Variants in GANC observed in about 807,000 individuals in gnomAD.
The protein encoded by GANC is neutral alpha-glucosidase C.
GANC carries 117 observed loss-of-function variants against 124.2 expected under a neutral mutation model. That is an observed-to-expected ratio of 0.94 (90% CI 0.81 to 1.10). The LOEUF (loss-of-function observed/expected upper bound fraction) is 1.10, where lower values mean the gene tolerates loss of function less well. Among genes scored for constraint, GANC ranks in the 50% least tolerant of loss-of-function variants. The pLI is 0.00. For synonymous variants in GANC, 377 were observed against 376.8 expected (o/e 1.00, Z -0.01); for missense variants, 1,140 against 1,095.0 (o/e 1.04, Z -0.58).
chr15:42,352,494 G>A lies in GANC; in HGVS notation c.*355G>A. The A allele has an allele frequency of 1.9e-6, 2 of 1,052,554 alleles. No individual in the cohort carries two copies. The highest frequency in any genetic ancestry group is 1.7e-5 in the African/African-American group (1 of 59,958). 65.2% of individuals were successfully genotyped at this position (1,052,554 alleles called of 1,614,324 possible). ...CTACCTGGGCAGCCCATTTGCCAGGGCTTGCCTCAGGCCATGCAGCATTGG... is the reference window on the plus strand; with the variant it reads ...CTACCTGGGCAGCCCATTTGCCAGGACTTGCCTCAGGCCATGCAGCATTGG... On this transcript the variant is annotated 3_prime_UTR_variant, in exon 24 of 24. Transcript: ENST00000318010.
At chr15:42,286,466 T>G (rs1374430364) in intron 3 of GANC, among the ~76,000 whole-genome samples, 1 of 152,240 alleles carries the variant, frequency 6.6e-6, no homozygotes, top group Non-Finnish European at 1.5e-5. Context: ...TTGAACTTTG[T>G]ACTTGGACAT....
At chr15:42,326,764 C>T (rs1484021100) in intron 12 of GANC, among the ~76,000 whole-genome samples, 1 of 152,172 alleles carries the variant, frequency 6.6e-6, no homozygotes, top group Non-Finnish European at 1.5e-5. Context: ...TGCAAGCTCT[C>T]TCCTTGTGAT....
intron 22 of GANC, among the ~76,000 whole-genome samples, chr15:42,351,111 A>T (rs547184384): frequency 3.3e-5 from 5 of 151,828 alleles, no homozygotes; most frequent in African/African-American, 1.2e-4. Flanking sequence ...GCCTCAAGTG[A>T]TCTGCCCACC....
chr15:42,310,549 G>T (rs2052040821), intron 9 of GANC, 86 bp downstream of exon 9: 2 of 1,458,220 alleles, frequency 1.4e-6, no homozygotes, highest in Non-Finnish European at 1.8e-6. Flanking sequence ...CTTTGTATTG[G>T]CACTTCTCTG....
chr15:42,338,636 C>T (rs1467352329), intron 16 of GANC, 146 bp downstream of exon 16: 4 of 661,796 alleles, frequency 6.0e-6, no homozygotes, highest in Admixed American at 2.5e-5. Flanking sequence ...TGAAGAGGAG[C>T]GGATTAGAGA....
intron 22 of GANC, among the ~76,000 whole-genome samples, chr15:42,350,885 A>G (rs548802810): frequency 7.1e-6 from 1 of 141,012 alleles, no homozygotes; most frequent in Admixed American, 7.3e-5. Context: ...TATTATTATT[A>G]TTTTGAGATG....
At chr15:42,312,131 T>A (rs1191446583) in intron 10 of GANC, among the ~76,000 whole-genome samples, 1 of 152,186 alleles carries the variant, frequency 6.6e-6, no homozygotes, top group East Asian at 1.9e-4. Context: ...GCAATCCCTA[T>A]CAAAATTCCA....
chr15:42,334,630 GA>G (rs1282614074), intron 15 of GANC, among the ~76,000 whole-genome samples: 30 of 151,528 alleles, frequency 2.0e-4, no homozygotes, highest in Non-Finnish European at 2.9e-5. Context: ...ACCGACTGAG[GA>G]AAAAAATATT....
intron 10 of GANC, among the ~76,000 whole-genome samples, chr15:42,311,332 T>C (rs749909326): frequency 3.9e-5 from 6 of 152,094 alleles, no homozygotes; most frequent in Non-Finnish European, 7.3e-5. Flanking sequence ...ATAAAAGATA[T>C]CAAAATTGGA....
intron 20 of GANC, among the ~76,000 whole-genome samples, chr15:42,346,708 A>C (rs942436072): frequency 6.6e-6 from 1 of 152,218 alleles, no homozygotes; most frequent in African/African-American, 2.4e-5. Flanking sequence ...ATCATTCTAC[A>C]GGATTAAGGC....
chr15:42,330,088 A>G (rs554694737), intron 14 of GANC, among the ~76,000 whole-genome samples: 15 of 152,262 alleles, frequency 9.9e-5, no homozygotes, highest in African/African-American at 2.6e-4. Context: ...GTATTTTCCA[A>G]TGGGATCTTT....
Position 42,300,050 on chromosome 15 carries a change from G to A in GANC, c.558+2394G>A, listed in dbSNP as rs145118704. Among the ~76,000 whole-genome samples, 544 of 152,238 alleles carry A rather than the reference G, an allele frequency of 3.6e-3. 31 individuals carry two copies. The East Asian group carries it at 0.089, about 25-fold the overall frequency. Reference sequence around the variant, plus strand: ...AGACAATACCATTCAGGACATAGGCGTGGGCAAAGACTTCGTGATGAAAGC... The same window carrying A: ...AGACAATACCATTCAGGACATAGGCATGGGCAAAGACTTCGTGATGAAAGC... On this transcript the variant is annotated intron_variant, in intron 6 of 23. Transcript: ENST00000318010.
At chr15:42,286,757 T>C (rs2051793304) in intron 3 of GANC, among the ~76,000 whole-genome samples, 2 of 152,236 alleles carry the variant, frequency 1.3e-5, no homozygotes, top group South Asian at 4.1e-4. Context: ...ATATTTCTTA[T>C]CTTTTACTTG....
In GANC at chr15:42,273,884, G is replaced by A. The variant is rs1458880110; in HGVS notation, c.-598G>A. The A allele has an allele frequency of 5.1e-6, 1 of 194,870 alleles. No individual in the cohort carries two copies. The highest frequency in any genetic ancestry group is 2.3e-5 in the African/African-American group (1 of 42,688). The allele number at this position is 194,870 out of a possible 1,614,324, so 12.1% of individuals were successfully genotyped here. On this transcript the variant is annotated 5_prime_UTR_variant, in exon 1 of 24. Coordinates refer to ENST00000318010, the MANE Select transcript of GANC (RefSeq NM_198141.3). ...GCAAAGGCTGGAATTCGGCGGTGGT[G>A]GAGTACACGCGATTCCTAGACTGGG...
At chr15:42,349,287 A>T in intron 21 of GANC, 96 bp from the exon 22 acceptor site, 1 of 785,374 alleles carries the variant, frequency 1.3e-6, no homozygotes, top group Non-Finnish European at 2.2e-6. Flanking sequence ...AATTTTTCAC[A>T]AACTTTTTAC....
At chr15:42,288,561 T>G (rs773632934) in intron 4 of GANC, among the ~76,000 whole-genome samples, 8 of 152,222 alleles carry the variant, frequency 5.3e-5, no homozygotes, top group Non-Finnish European at 1.0e-4. Flanking sequence ...ATGAAAATCT[T>G]ATAAAAGGTC....
chr15:42,327,994 C>A (rs866024625), intron 13 of GANC, among the ~76,000 whole-genome samples: 1 of 152,136 alleles, frequency 6.6e-6, no homozygotes, highest in South Asian at 2.1e-4. Context: ...AGGATGACTT[C>A]ATGTGCATCA....
chr15:42,277,142 T>A (rs533227845), intron 2 of GANC, among the ~76,000 whole-genome samples: 10 of 152,238 alleles, frequency 6.6e-5, no homozygotes, highest in Admixed American at 2.0e-4. Flanking sequence ...GGAGTGAGAT[T>A]ACTGGGTCAA....
chr15:42,339,345 CACACACACACACAGTT>C (rs1408365759), intron 16 of GANC, among the ~76,000 whole-genome samples: 526 of 149,600 alleles, frequency 3.5e-3, no homozygotes, highest in Middle Eastern at 0.031. Context: ...CACACACACA[CACACACACACACAGTT>C]ATTTAATCAG....
Sources: allele counts gnomAD v4.1 joint callset (sites outside exome capture counted in the v4.1 genomes callset), GRCh38; gene constraint gnomAD v4.1.1; transcripts MANE v1.5; gene names NCBI Gene and HGNC (gene_info 2026-07-23, HGNC 2026-07-21).